Variants in ZIC4 observed in about 807,000 individuals in gnomAD.
ZIC4 encodes the protein zinc finger protein ZIC 4.
Under a neutral mutation model 28.8 loss-of-function variants are expected in ZIC4, and 15 were observed. The ratio of observed to expected loss-of-function variants is 0.52; its 90% CI spans 0.35 to 0.80. The LOEUF (loss-of-function observed/expected upper bound fraction) is 0.80. ZIC4 is among the 30% of genes least tolerant of loss of function. ZIC4 has a pLI of 0.01. For synonymous variants in ZIC4, 220 were observed against 198.1 expected (o/e 1.11, Z -0.93); for missense variants, 512 against 467.1 (o/e 1.10, Z -0.89).
chr3:147,404,054 G>A (rs1348104316), intron 1 of ZIC4: 4 of 1,537,112 alleles, frequency 2.6e-6, no homozygotes, highest in African/African-American at 1.4e-5. Context: ...CACAAATCAG[G>A]AAAGAAAGGA....
At chr3:147,399,016 G>C (rs1456309570) in intron 2 of ZIC4, among the ~76,000 whole-genome samples, 2 of 151,640 alleles carry the variant, frequency 1.3e-5, no homozygotes, top group Non-Finnish European at 2.9e-5. Flanking sequence ...TCTCTACTTA[G>C]ACACGTCCAG....
intron 3 of ZIC4, among the ~76,000 whole-genome samples, chr3:147,395,530 C>G (rs140503964): frequency 6.4e-4 from 97 of 152,280 alleles, no homozygotes; most frequent in African/African-American, 2.3e-3. Context: ...GTCTTTACGA[C>G]TTTGGGGAAC....
intron 2 of ZIC4, among the ~76,000 whole-genome samples, chr3:147,399,873 C>A (rs558982031): frequency 2.6e-5 from 4 of 152,170 alleles, no homozygotes; most frequent in African/African-American, 9.6e-5. Flanking sequence ...ACCATGTTAG[C>A]CAGGCTGGTC....
chr3:147,402,301 CCAT>C (rs2087181615), intron 2 of ZIC4, among the ~76,000 whole-genome samples: 1 of 152,110 alleles, frequency 6.6e-6, no homozygotes, highest in Admixed American at 6.5e-5. Context: ...CATGTAAACC[CCAT>C]CATCCAGATC....
At chr3:147,405,524 GC>G in intron 1 of ZIC4, 1 of 1,515,582 alleles carries the variant, frequency 6.6e-7, no homozygotes, top group Admixed American at 2.0e-5. Context: ...TTCTTTCACA[GC>G]TCAGCTCTAT....
intron 1 of ZIC4, 127 bp from the exon 2 acceptor site, chr3:147,402,939 G>T: frequency 1.4e-6 from 1 of 734,884 alleles, no homozygotes; most frequent in Non-Finnish European, 2.1e-6. Flanking sequence ...GTCTTTCTTT[G>T]ACCATTTTCA....
At chr3:147,405,835 C>T (rs1002628103) in intron 1 of ZIC4, 2 of 317,736 alleles carry the variant, frequency 6.3e-6, no homozygotes, top group African/African-American at 4.4e-5. Flanking sequence ...TCTGGGCTAA[C>T]TTGGCGCTTT....
chr3:147,390,189 C>T (rs891215546), intron 4 of ZIC4, among the ~76,000 whole-genome samples: 3 of 152,180 alleles, frequency 2.0e-5, no homozygotes, highest in Non-Finnish European at 4.4e-5. Flanking sequence ...CACCCACCCC[C>T]TGCTGAAAAG....
intron 3 of ZIC4, among the ~76,000 whole-genome samples, chr3:147,393,086 G>C (rs901308127): frequency 2.6e-5 from 4 of 151,068 alleles, no homozygotes; most frequent in African/African-American, 9.8e-5. Context: ...GTTATTTTGA[G>C]AAAACAGAGG....
intron 2 of ZIC4, among the ~76,000 whole-genome samples, chr3:147,401,606 A>G (rs1462471246): frequency 4.6e-5 from 7 of 152,194 alleles, no homozygotes; most frequent in Admixed American, 4.6e-4. Context: ...AGATTCCTAC[A>G]CAGGGAGTTT....
intron 2 of ZIC4, among the ~76,000 whole-genome samples, chr3:147,400,066 T>C (rs973617325): frequency 5.9e-5 from 9 of 152,216 alleles, no homozygotes; most frequent in Non-Finnish European, 1.2e-4. Flanking sequence ...TTTCAGGCTG[T>C]GGAACCCTTA....
Position 147,387,958 on chromosome 3 carries a change from G to T in ZIC4, c.*901C>A, listed in dbSNP as rs1181362431. On this transcript the variant is annotated 3_prime_UTR_variant, in exon 5 of 5. Transcript: ENST00000383075. Reference sequence around the variant, plus strand: ...AATGCTCATTTGTTAAGCTTCGGAGGCTGCTTTAAAATCTTTCACTCCTGA... The same window carrying T: ...AATGCTCATTTGTTAAGCTTCGGAGTCTGCTTTAAAATCTTTCACTCCTGA... The T allele has an allele frequency of 6.6e-6, 1 of 152,306 alleles. No homozygotes were observed. The highest frequency in any genetic ancestry group is 1.5e-5 in the Non-Finnish European group (1 of 68,038). The allele number at this position is 152,306 out of a possible 1,614,324, so 9.4% of individuals were successfully genotyped here.
chr3:147,402,874 C>T (rs2087198140), intron 1 of ZIC4, 62 bp from the exon 2 acceptor site: 1 of 1,396,646 alleles, frequency 7.2e-7, no homozygotes, highest in East Asian at 2.3e-5. Flanking sequence ...TGTGTGGCAA[C>T]ATCCTGTGGT....
chr3:147,395,503 TAGAC>T (rs1378064521), intron 3 of ZIC4, among the ~76,000 whole-genome samples: 1 of 152,064 alleles, frequency 6.6e-6, no homozygotes, highest in Non-Finnish European at 1.5e-5. Context: ...GGAAAAAAGT[TAGAC>T]AGCTGTTCTT....
In ZIC4 at chr3:147,396,709, G is replaced by A. The variant is rs911150888; in HGVS notation, c.71-240C>T. The A allele has an allele frequency of 2.1e-6, 1 of 478,164 alleles. No homozygotes were observed. The highest frequency in any genetic ancestry group is 3.8e-5 in the Admixed American group (1 of 26,162). 29.6% of individuals were successfully genotyped at this position (478,164 alleles called of 1,614,324 possible). A position where few individuals can be genotyped will look rare whatever the true frequency, so the allele number is the denominator to read the frequency against. ...CCCGCCGCGCCATGAGCTAGAGAGG[G>A]ATGGTAGCGGCAGAGTAGATGTAAG... On this transcript the variant is annotated intron_variant, in intron 2 of 4. Coordinates refer to ENST00000383075, the MANE Select transcript of ZIC4 (RefSeq NM_032153.6). The surrounding 1 kb of genome is among the most constrained non-coding windows in gnomAD (Gnocchi z 4.2).
At chr3:147,397,665 G>T (rs1374809121) in intron 2 of ZIC4, among the ~76,000 whole-genome samples, 2 of 152,130 alleles carry the variant, frequency 1.3e-5, no homozygotes, top group African/African-American at 4.8e-5. Flanking sequence ...TGGCGGTCTC[G>T]TTGGGCAGTT....
At position 147,396,302 on chromosome 3, in the gene ZIC4, G is replaced by C. The variant is rs972196910; in HGVS notation, c.238C>G (p.Pro80Ala). Reference sequence around the variant, plus strand: ...GCGTCGCTGCGGGCCGCAGGCCCTGGCGGGAAGGGCTCCGGCCGCGCGTAC... The same window carrying C: ...GCGTCGCTGCGGGCCGCAGGCCCTGCCGGGAAGGGCTCCGGCCGCGCGTAC... ...DMYARPEPFP[P>A]GPAARSDALA... Residue 80 changes from proline (P) to alanine (A), a missense_variant, in exon 3 of 5, where the codon CCA becomes GCA. This residue lies in a region of ZIC4 where 310 missense variants were observed against 256.5 expected (regional missense o/e 1.21). Coordinates refer to ENST00000383075, the MANE Select transcript of ZIC4 (RefSeq NM_032153.6). This position sits in a 1 kb window ranked among gnomAD's most constrained non-coding sequence, Gnocchi z 4.2. 1.2e-6 allele frequency: 2 copies of C among 1,602,964 alleles called. No homozygotes were observed. Among genetic ancestry groups the C allele is most frequent in the South Asian group, 1.1e-5 (1 of 90,058 alleles).
chr3:147,395,904 C>T lies in ZIC4; in HGVS notation c.636G>A (p.Gly212=), dbSNP rs759925062. The T allele has an allele frequency of 6.2e-7, 1 of 1,614,254 alleles. No individual in the cohort carries two copies. Among genetic ancestry groups the T allele is most frequent in the South Asian group, 1.1e-5 (1 of 91,088 alleles). ...KPFPCPFPGC[G]KVFARSENLK... ...GATTTTCTGATCTAGCAAAGACCTT[C>T]CCACACCCCGGGAAAGGACAAGGGA... is the stretch of plus-strand genomic sequence containing the variant. The change falls in exon 3 of 5, where the codon GGG becomes GGA. Residue 212 remains glycine, a synonymous_variant. Transcript: ENST00000383075.
At position 147,396,196 on chromosome 3, in the gene ZIC4, G is replaced by C; in HGVS notation, c.344C>G (p.Ala115Gly). 6.2e-7 allele frequency: 1 copy of C among 1,614,102 alleles called. No homozygotes were observed. The highest frequency in any genetic ancestry group is 8.5e-7 in the Non-Finnish European group (1 of 1,180,008). ...VNLAAPHGPG[A>G]FFRYMRQPIK... ...GGGCTGGCGCATGTAGCGGAAGAAAGCGCCAGGACCGTGGGGCGCAGCGAG... is the reference window on the plus strand; with the variant it reads ...GGGCTGGCGCATGTAGCGGAAGAAACCGCCAGGACCGTGGGGCGCAGCGAG... Residue 115 changes from alanine (A) to glycine (G), a missense_variant, in exon 3 of 5, where the codon GCT becomes GGT. Physicochemically the swap from Ala to Gly is moderately conservative, Grantham distance 60. Around this residue, in one of 3 missense-constraint regions of ZIC4, gnomAD observed 310 missense variants for 256.5 expected, o/e 1.21. Coordinates refer to ENST00000383075, the MANE Select transcript of ZIC4 (RefSeq NM_032153.6). This position sits in a 1 kb window ranked among gnomAD's most constrained non-coding sequence, Gnocchi z 4.2.
Sources: gnomAD v4.1 joint callset for allele counts (sites outside exome capture counted in the v4.1 genomes callset) on GRCh38, gnomAD v4.1.1 for gene constraint, gnomAD v4.1.1 regional missense constraint, Gnocchi (gnomAD v3.1) non-coding constraint, MANE v1.5 for transcripts, NCBI Gene and HGNC (gene_info 2026-07-23, HGNC 2026-07-21) for gene names.